Variants in ANKEF1 observed in about 807,000 individuals in gnomAD.
ANKEF1 encodes ankyrin repeat and EF-hand domain-containing protein 1.
Under a neutral mutation model 65.1 loss-of-function variants are expected in ANKEF1, and 43 were observed. The observed-to-expected ratio is 0.66, with a 90% CI of 0.52 to 0.85. The LOEUF is 0.85. ANKEF1 is among the 40% of genes least tolerant of loss of function. The pLI, the probability that ANKEF1 is intolerant of heterozygous loss-of-function variation, is 0.00. For missense variants in ANKEF1, 934 were observed against 952.9 expected, an observed-to-expected ratio of 0.98 and a Z score of 0.26; for synonymous variants, 316 against 341.5, an observed-to-expected ratio of 0.93 and a Z score of 0.82.
chr20:10,048,806 T>C (rs187617513), intron 6 of ANKEF1, among the ~76,000 whole-genome samples: 1 of 152,302 alleles, frequency 6.6e-6, no homozygotes, highest in East Asian at 1.9e-4. Flanking sequence ...GCTGAACTCC[T>C]CAGATTTAAT....
chr20:10,052,016 G>C (rs1984891499), intron 8 of ANKEF1, 127 bp downstream of exon 8: 1 of 686,640 alleles, frequency 1.5e-6, no homozygotes, highest in Non-Finnish European at 2.3e-6. Context: ...ACACAAGCCT[G>C]AGTTAAATGT....
Position 10,038,471 on chromosome 20 carries a change from T to C in ANKEF1, c.170T>C (p.Val57Ala). 6.2e-7 allele frequency: 1 copy of C among 1,614,214 alleles called. No individual in the cohort carries two copies. Among genetic ancestry groups the C allele is most frequent in the South Asian group, 1.1e-5 (1 of 91,084 alleles). ...CTTAGTGCTTTGCACTTAGCCTCAG[T>C]TTCCAATGATATTGATATGGTCAGC... ...NGLSALHLAS[V>A]SNDIDMVSFL... The change falls in exon 3 of 11, where the codon GTT (valine) becomes GCT (alanine). Residue 57 changes from valine (V) to alanine (A), a missense_variant. Coordinates refer to ENST00000378392, the MANE Select transcript of ANKEF1 (RefSeq NM_022096.6).
chr20:10,042,237 A>G (rs1390477595), intron 3 of ANKEF1, among the ~76,000 whole-genome samples: 1 of 152,210 alleles, frequency 6.6e-6, no homozygotes, highest in East Asian at 1.9e-4. Flanking sequence ...CTATCATGGA[A>G]ATGAATTAGC....
At position 10,057,395 on chromosome 20, in the gene ANKEF1, CTCTTT is replaced by C. The variant is rs1291051773; in HGVS notation, c.*1742_*1746del. ...AGGTTTTGGTTGGTTTTTTTGTTCT[CTCTTT>C]TCTTTTTGTTTTGACATAATTTCAT... On this transcript the variant is annotated 3_prime_UTR_variant, in exon 11 of 11. Transcript: ENST00000378392. The C allele has an allele frequency of 6.6e-6, 1 of 152,154 alleles. No individual in the cohort carries two copies. Among genetic ancestry groups the C allele is most frequent in the Non-Finnish European group, 1.5e-5 (1 of 68,020 alleles). The allele number at this position is 152,154 out of a possible 1,614,324, so 9.4% of individuals were successfully genotyped here.
chr20:10,045,193 A>G (rs1181726590), intron 5 of ANKEF1, among the ~76,000 whole-genome samples: 1 of 152,176 alleles, frequency 6.6e-6, no homozygotes, highest in Non-Finnish European at 1.5e-5. Flanking sequence ...TTCCCCTTGG[A>G]TGCTGTTTTC....
intron 8 of ANKEF1, 77 bp from the exon 9 acceptor site, chr20:10,053,035 G>A: frequency 3.5e-6 from 5 of 1,439,784 alleles, no homozygotes; most frequent in Non-Finnish European, 4.7e-6. Flanking sequence ...TAGAGCTGAT[G>A]TGCTGAGATA....
In ANKEF1 at chr20:10,057,890, T is replaced by TTTGTTTGTTTGA. The variant is rs1985256361; in HGVS notation, c.*2241_*2242insATTGTTTGTTTG. The TTTGTTTGTTTGA allele has an allele frequency of 1.5e-5, 1 of 65,872 alleles. No individual in the cohort carries two copies. Among genetic ancestry groups the TTTGTTTGTTTGA allele is most frequent in the Non-Finnish European group, 3.6e-5 (1 of 27,894 alleles). The allele number at this position is 65,872 out of a possible 1,614,324, so 4.1% of individuals were successfully genotyped here. A position where few individuals can be genotyped will look rare whatever the true frequency, so the allele number is the denominator to read the frequency against. ...AGTTTAGAACAACCTGTATTTCTTG[T>TTTGTTTGTTTGA]TTGTTTGTTTGTTTGTTTGTTTATG... On this transcript the variant is annotated 3_prime_UTR_variant, in exon 11 of 11. Coordinates refer to ENST00000378392, the MANE Select transcript of ANKEF1 (RefSeq NM_022096.6).
Position 10,055,631 on chromosome 20 carries a change from C to T in ANKEF1, c.2302C>T (p.Arg768Ter), listed in dbSNP as rs767339625. ...TCAGAAGAACATCACAGAGAAAGCT[C>T]GAGCACTGGAAGCTGCCTTGAAGAC... ...PFQKNITEKA[R>*]ALEAALKT is the part of the protein sequence containing the mutation. The change falls in exon 11 of 11, where the codon CGA (arginine) becomes TGA (stop). Residue 768 changes from arginine to a stop codon, truncating the protein, a stop_gained. Transcript: ENST00000378392. LOFTEE classifies it high-confidence loss of function. The T allele has an allele frequency of 3.1e-6, 5 of 1,613,724 alleles. No homozygotes were observed. The highest frequency in any genetic ancestry group is 1.7e-4 in the Middle Eastern group (1 of 6,054).
chr20:10,043,154 C>A lies in ANKEF1; in HGVS notation c.379C>A (p.Arg127=). 6.2e-7 allele frequency: 1 copy of A among 1,614,070 alleles called. No individual in the cohort carries two copies. The highest frequency in any genetic ancestry group is 1.1e-5 in the South Asian group (1 of 91,072). The change falls in exon 4 of 11, where the codon CGG becomes AGG. Residue 127 remains arginine, a synonymous_variant. Transcript: ENST00000378392. The part of the protein sequence containing the change: ...VLFYCILPTK[R]HYRCALIALE... ...GTTTTACTGCATTTTACCGACTAAG[C>A]GGCATTATCGCTGTGCTCTGATCGC...
chr20:10,049,735 G>T lies in ANKEF1; in HGVS notation c.1166G>T (p.Gly389Val), dbSNP rs1411004415. The change falls in exon 7 of 11, where the codon GGG becomes GTG. Residue 389 changes from glycine to valine, a missense_variant. Coordinates refer to ENST00000378392, the MANE Select transcript of ANKEF1 (RefSeq NM_022096.6). ...AHLHEKTRGG[G>V]VNINEFFKGT... ...CTTCATGAGAAAACCCGGGGAGGAGGGGTCAATATTAATGAATTCTTTAAA... is the reference window on the plus strand; with the variant it reads ...CTTCATGAGAAAACCCGGGGAGGAGTGGTCAATATTAATGAATTCTTTAAA... The T allele has an allele frequency of 6.2e-7, 1 of 1,614,056 alleles. No individual in the cohort carries two copies.
At chr20:10,052,921 T>A (rs1346296060) in intron 8 of ANKEF1, among the ~76,000 whole-genome samples, 191 bp from the exon 9 acceptor site, 1 of 152,118 alleles carries the variant, frequency 6.6e-6, no homozygotes. Flanking sequence ...CTATAAATCA[T>A]GGGATCTTAA....
rs188036058 is a variant in ANKEF1 at position 10,048,363 on chromosome 20, C to T, written c.821-1027C>T. On this transcript the variant is annotated intron_variant, in intron 6 of 10. Coordinates refer to ENST00000378392, the MANE Select transcript of ANKEF1 (RefSeq NM_022096.6). ...GAATACCATGCTTAATAATCACATC[C>T]TCTAGAATGGGGTATCCATCCCCTC... 4.7e-4 allele frequency among the ~76,000 whole-genome samples: 71 copies of T among 151,914 alleles called. No individual in the cohort carries two copies. In the East Asian group the frequency reaches 0.012, roughly 26 times the overall value.
At chr20:10,047,653 C>G (rs866235525) in intron 6 of ANKEF1, among the ~76,000 whole-genome samples, 14 of 152,290 alleles carry the variant, frequency 9.2e-5, no homozygotes, top group African/African-American at 3.4e-4. Flanking sequence ...GAGAGGAGCT[C>G]GTGGAGTCCT....
At position 10,051,735 on chromosome 20, in the gene ANKEF1, C is replaced by T; in HGVS notation, c.1716C>T (p.Asp572=). ...TTGCATGCCATGCAGGCCAACAAGA[C>T]ATTGTTGAGCTTCTTGTTGAATCTG... ...LHFACHAGQQ[D]IVELLVESGA... is the part of the protein sequence containing the mutation. The change falls in exon 8 of 11, where the codon GAC becomes GAT. Residue 572 remains aspartate (D), a synonymous_variant. Transcript: ENST00000378392. The T allele has an allele frequency of 4.3e-6, 7 of 1,613,770 alleles. No homozygotes were observed. The highest frequency in any genetic ancestry group is 5.1e-6 in the Non-Finnish European group (6 of 1,179,792).
In ANKEF1 at chr20:10,056,531, TAGATAGAG is replaced by T. The variant is rs1985179331; in HGVS notation, c.*873_*880del. ...ATAGATAGATAGATAGATAGATAGA[TAGATAGAG>T]ATTTATTGCAAATAATTGGTTTACA... On this transcript the variant is annotated 3_prime_UTR_variant, in exon 11 of 11. Transcript: ENST00000378392. 6.6e-6 allele frequency: 1 copy of T among 151,458 alleles called. No individual in the cohort carries two copies. The highest frequency in any genetic ancestry group is 1.5e-5 in the Non-Finnish European group (1 of 67,882). The allele number at this position is 151,458 out of a possible 1,614,324, so 9.4% of individuals were successfully genotyped here. A position where few individuals can be genotyped will look rare whatever the true frequency, so the allele number is the denominator to read the frequency against.
Position 10,053,116 on chromosome 20 carries a change from T to C in ANKEF1, c.1875T>C (p.His625=), listed in dbSNP as rs779332854. Residue 625 remains histidine (H), a synonymous_variant, in exon 9 of 11, where the codon CAT becomes CAC. Coordinates refer to ENST00000378392, the MANE Select transcript of ANKEF1 (RefSeq NM_022096.6). The part of the protein sequence containing the change: ...AKFQLENRKG[H]SAMDVAKAYA... ...TTTATGTTTATGTTTCAACAGGGCA[T>C]AGTGCCATGGACGTTGCAAAGGCAT... 8.2e-6 allele frequency: 13 copies of C among 1,588,458 alleles called. No homozygotes were observed. The highest frequency in any genetic ancestry group is 1.1e-5 in the Non-Finnish European group (13 of 1,172,470).
Position 10,049,775 on chromosome 20 carries a change from A to G in ANKEF1, c.1206A>G (p.Leu402=). 1 of 1,614,148 alleles carries G rather than the reference A, an allele frequency of 6.2e-7. No homozygotes were observed. Among genetic ancestry groups the G allele is most frequent in the Non-Finnish European group, 8.5e-7 (1 of 1,180,020 alleles). ...AATTCTTTAAAGGAACCAGATATTTAAACAAGTCTTTTGTCTTAGGATCGT... is the reference window on the plus strand; with the variant it reads ...AATTCTTTAAAGGAACCAGATATTTGAACAAGTCTTTTGTCTTAGGATCGT... ...INEFFKGTRY[L]NKSFVLGSYG... The change falls in exon 7 of 11, where the codon TTA becomes TTG. Residue 402 remains leucine (L), a synonymous_variant. Coordinates refer to ENST00000378392, the MANE Select transcript of ANKEF1 (RefSeq NM_022096.6).
rs924171369 is a variant in ANKEF1 at position 10,045,133 on chromosome 20, C to T, written c.697-441C>T. On this transcript the variant is annotated intron_variant, in intron 5 of 10. Transcript: ENST00000378392. ...TATCTTCATTTATATCACTATTTTC[C>T]GTGCAATAAAAGTATACACAAAGAT... 5.3e-5 allele frequency among the ~76,000 whole-genome samples: 8 copies of T among 152,078 alleles called. No homozygotes were observed. The South Asian group carries it at 1.2e-3, about 24-fold the overall frequency.
chr20:10,037,785 A>G (rs1983944000), intron 2 of ANKEF1, among the ~76,000 whole-genome samples: 1 of 152,248 alleles, frequency 6.6e-6, no homozygotes, highest in Non-Finnish European at 1.5e-5. Flanking sequence ...TGACATAGGA[A>G]TCACTCATCA....
Sources: allele counts gnomAD v4.1 joint callset (sites outside exome capture counted in the v4.1 genomes callset), GRCh38; gene constraint gnomAD v4.1.1; transcripts MANE v1.5; gene names NCBI Gene and HGNC (gene_info 2026-07-23, HGNC 2026-07-21).